The following TTC29 variants were observed in gnomAD, a reference collection of about 807,000 sequenced individuals.
The protein encoded by TTC29 is tetratricopeptide repeat domain 29, also known as tetratricopeptide repeat protein 29.
Under a neutral mutation model 58.1 loss-of-function variants are expected in TTC29, and 49 were observed. The observed-to-expected ratio is 0.84, with a 90% CI of 0.67 to 1.07. The LOEUF (loss-of-function observed/expected upper bound fraction) is 1.07, where lower values mean the gene tolerates loss of function less well. TTC29 is among the 50% of genes least tolerant of loss of function. The pLI is 0.00. For synonymous variants in TTC29, 209 were observed against 196.8 expected (o/e 1.06, Z -0.52); for missense variants, 582 against 555.6 (o/e 1.05, Z -0.48).
chr4:146,891,982 G>C (rs142965309), intron 6 of TTC29, among the ~76,000 whole-genome samples: 25 of 152,236 alleles, frequency 1.6e-4, no homozygotes, highest in African/African-American at 5.1e-4. Flanking sequence ...ACTCTGTTAA[G>C]TATCTTTATG....
intron 4 of TTC29, among the ~76,000 whole-genome samples, chr4:146,918,562 C>T (rs778905980): frequency 1.3e-5 from 2 of 151,014 alleles, no homozygotes; most frequent in Non-Finnish European, 1.5e-5. Flanking sequence ...GTTTATAAAC[C>T]AAACTATATT....
rs558475794 is a variant in TTC29 at position 146,936,798 on chromosome 4, G to A, written c.176+796C>T. Among the ~76,000 whole-genome samples, 3 of 152,098 alleles carry A rather than the reference G, an allele frequency of 2.0e-5. No homozygotes were observed. The South Asian group carries it at 6.2e-4, about 32-fold the overall frequency. On this transcript the variant is annotated intron_variant, in intron 4 of 12. Coordinates refer to ENST00000325106, the MANE Select transcript of TTC29 (RefSeq NM_031956.4). ...AACACCCTTTCAGTAGAATCCCACA[G>A]CATTAGACAAATTAATAGAGAGAAT...
At chr4:146,802,513 A>T (rs1234363323) in intron 11 of TTC29, among the ~76,000 whole-genome samples, 1 of 152,246 alleles carries the variant, frequency 6.6e-6, no homozygotes, top group Non-Finnish European at 1.5e-5. Context: ...GTAGTTAAGT[A>T]GTATTCTACT....
intron 11 of TTC29, among the ~76,000 whole-genome samples, chr4:146,721,920 T>C (rs1270662182): frequency 6.6e-6 from 1 of 152,158 alleles, no homozygotes; most frequent in African/African-American, 2.4e-5. Context: ...CCCTAAAGAC[T>C]CTGCCAAAAG....
At chr4:146,849,318 G>A (rs1729368512) in intron 8 of TTC29, among the ~76,000 whole-genome samples, 1 of 152,192 alleles carries the variant, frequency 6.6e-6, no homozygotes, top group Non-Finnish European at 1.5e-5. Flanking sequence ...TGGTGAAGGA[G>A]AAAGGATTTG....
At chr4:146,918,340 A>T (rs1734372632) in intron 4 of TTC29, among the ~76,000 whole-genome samples, 1 of 151,120 alleles carries the variant, frequency 6.6e-6, no homozygotes, top group Non-Finnish European at 1.5e-5. Flanking sequence ...ACTATCACTA[A>T]TATAACTCAA....
chr4:146,870,361 C>T (rs1229631968), intron 7 of TTC29, among the ~76,000 whole-genome samples: 1 of 151,838 alleles, frequency 6.6e-6, no homozygotes, highest in East Asian at 1.9e-4. Flanking sequence ...CTAAGGTGTG[C>T]ATAGAGGGAC....
intron 4 of TTC29, among the ~76,000 whole-genome samples, chr4:146,915,898 T>A (rs1185096866): frequency 6.6e-6 from 1 of 151,960 alleles, no homozygotes; most frequent in Non-Finnish European, 1.5e-5. Flanking sequence ...TCATTTAATC[T>A]GACAAAGATA....
chr4:146,770,778 A>G (rs1747668087), intron 11 of TTC29, among the ~76,000 whole-genome samples: 2 of 152,012 alleles, frequency 1.3e-5, no homozygotes, highest in African/African-American at 4.8e-5. Context: ...TGGAAGCAAT[A>G]ATATCTGTTT....
intron 11 of TTC29, among the ~76,000 whole-genome samples, chr4:146,731,430 ACT>A (rs1744326322): frequency 6.6e-6 from 1 of 152,160 alleles, no homozygotes. Flanking sequence ...AACAGCTAGC[ACT>A]GCATAGCTGT....
At chr4:146,917,816 T>C (rs1250789186) in intron 4 of TTC29, among the ~76,000 whole-genome samples, 1 of 149,150 alleles carries the variant, frequency 6.7e-6, no homozygotes, top group Non-Finnish European at 1.5e-5. Flanking sequence ...TAATGCAATA[T>C]ATTAATTTAT....
intron 10 of TTC29, among the ~76,000 whole-genome samples, chr4:146,819,368 T>G (rs79484988): frequency 0.013 from 1,986 of 152,194 alleles, 24 homozygotes; most frequent in Middle Eastern, 0.078. Context: ...TGAAAGAGAT[T>G]AACAGAAAGT....
intron 11 of TTC29, among the ~76,000 whole-genome samples, chr4:146,798,961 T>A (rs963805711): frequency 5.9e-5 from 8 of 135,380 alleles, no homozygotes; most frequent in Admixed American, 1.5e-4. Flanking sequence ...TACTGAGAAA[T>A]CATGGTCAGT....
intron 11 of TTC29, among the ~76,000 whole-genome samples, chr4:146,719,189 GGTGTGTGT>G (rs60552473): frequency 3.0e-4 from 43 of 144,182 alleles, no homozygotes; most frequent in African/African-American, 6.4e-4. Flanking sequence ...TGGCTATTGG[GGTGTGTGT>G]GTGTGTGTGT....
chr4:146,882,798 G>A (rs969663010), intron 6 of TTC29, among the ~76,000 whole-genome samples: 2 of 152,026 alleles, frequency 1.3e-5, no homozygotes, highest in African/African-American at 4.8e-5. Flanking sequence ...TCTTTGTTTT[G>A]ATGGATGATT....
intron 11 of TTC29, among the ~76,000 whole-genome samples, chr4:146,757,792 G>A (rs776233406): frequency 6.6e-6 from 1 of 151,990 alleles, no homozygotes; most frequent in Non-Finnish European, 1.5e-5. Context: ...TTACCAAGCT[G>A]CCACTACAAG....
In TTC29 at chr4:146,803,672, T is replaced by C. The variant is rs748145859; in HGVS notation, c.1115A>G (p.Lys372Arg). 3.3e-5 allele frequency: 53 copies of C among 1,586,752 alleles called. No homozygotes were observed. Among genetic ancestry groups the C allele is most frequent in the Middle Eastern group, 1.8e-4 (1 of 5,446 alleles). The change falls in exon 11 of 13, where the codon AAA (lysine) becomes AGA (arginine). Residue 372 changes from lysine to arginine, a missense_variant. Lys to Arg is a conservative substitution (Grantham distance 26, BLOSUM62 2). Coordinates refer to ENST00000325106, the MANE Select transcript of TTC29 (RefSeq NM_031956.4). The part of the protein sequence containing the change: ...DIYNEKGYYN[K>R]ASECFQQAFD... ...AGCTTGCTGAAAGCATTCAGAAGCT[T>C]TGTTGTAGTATCCCTAAAAAGGTAA...
At chr4:146,807,208 G>GT (rs1267654425) in intron 10 of TTC29, among the ~76,000 whole-genome samples, 1 of 152,042 alleles carries the variant, frequency 6.6e-6, no homozygotes, top group Admixed American at 6.6e-5. Context: ...AAGACACAAT[G>GT]TATCAGAATC....
intron 5 of TTC29, among the ~76,000 whole-genome samples, chr4:146,905,491 GC>G (rs1333711104): frequency 6.6e-6 from 1 of 151,210 alleles, no homozygotes; most frequent in African/African-American, 2.4e-5. Flanking sequence ...CTACTTGTCA[GC>G]TAAGCTATTT....
Sources: allele counts gnomAD v4.1 joint callset (sites outside exome capture counted in the v4.1 genomes callset), GRCh38; gene constraint gnomAD v4.1.1; transcripts MANE v1.5; gene names NCBI Gene and HGNC (gene_info 2026-07-23, HGNC 2026-07-21).